EXOC4: variants seen among roughly 807,000 people sequenced by gnomAD.
EXOC4 encodes exocyst complex component 4, also known as SEC8-like 1.
EXOC4 carries 71 observed loss-of-function variants against 107.2 expected under a neutral mutation model. That is an observed-to-expected ratio of 0.66 (90% CI 0.55 to 0.81). EXOC4 has a LOEUF of 0.81. Among genes scored for constraint, EXOC4 ranks in the 30% least tolerant of loss-of-function variants. The probability of loss-of-function intolerance (pLI) is 0.00; values close to 1 mark genes in which losing one functional copy is unlikely to be tolerated. For missense variants in EXOC4, 1,108 were observed against 1,189.6 expected, an observed-to-expected ratio of 0.93 and a Z score of 1.01; for synonymous variants, 456 against 441.2, an observed-to-expected ratio of 1.03 and a Z score of -0.42.
intron 5 of EXOC4, among the ~76,000 whole-genome samples, chr7:133,354,822 C>T (rs1230623026): frequency 6.6e-6 from 1 of 152,122 alleles, no homozygotes; most frequent in African/African-American, 2.4e-5. Flanking sequence ...TAATTGAAAT[C>T]GACCACAATT....
chr7:134,021,850 CTGCATCTCATTCT>C (rs1795038562), intron 17 of EXOC4, among the ~76,000 whole-genome samples: 1 of 151,854 alleles, frequency 6.6e-6, no homozygotes, highest in Admixed American at 6.6e-5. Context: ...GGCATTAACA[CTGCATCTCATTCT>C]CCTTCAGGCA....
At chr7:133,498,594 C>T (rs1276368281) in intron 9 of EXOC4, among the ~76,000 whole-genome samples, 2 of 152,066 alleles carry the variant, frequency 1.3e-5, no homozygotes, top group Non-Finnish European at 2.9e-5. Flanking sequence ...CAAAAACAAA[C>T]AAACAAACAA....
intron 9 of EXOC4, among the ~76,000 whole-genome samples, chr7:133,542,122 A>G (rs1299504861): frequency 6.6e-6 from 1 of 151,928 alleles, no homozygotes; most frequent in Middle Eastern, 3.2e-3. Flanking sequence ...TGAAAATTCA[A>G]CTGGCAAAAG....
intron 9 of EXOC4, among the ~76,000 whole-genome samples, chr7:133,582,471 AT>A (rs1235052895): frequency 3.3e-5 from 5 of 152,240 alleles, no homozygotes; most frequent in Non-Finnish European, 7.3e-5. Context: ...CATATCCAAG[AT>A]AAAAGAGACT....
chr7:133,638,762 G>A (rs1435897342), intron 10 of EXOC4, among the ~76,000 whole-genome samples: 2 of 152,084 alleles, frequency 1.3e-5, no homozygotes, highest in African/African-American at 4.8e-5. Flanking sequence ...AGCTAATGTG[G>A]GACCAACGCT....
rs1265108979 is a variant in EXOC4, at chr7:133,997,634, G to A, written c.2348+1G>A. The A allele has an allele frequency of 6.2e-7, 1 of 1,612,658 alleles. No homozygotes were observed. Among genetic ancestry groups the A allele is most frequent in the Non-Finnish European group, 8.5e-7 (1 of 1,179,338 alleles). On this transcript the variant is annotated splice_donor_variant, in intron 15 of 17. Transcript: ENST00000253861. LOFTEE classifies it high-confidence loss of function. ...TGCTTGTCTTACATCTGGAAGTGAG[G>A]TATGATACAGCCAAGCCCAGGACCT...
rs1465270592 is a variant in EXOC4, at chr7:133,897,658, A to G, written c.1871+1923A>G. 5.3e-5 allele frequency among the ~76,000 whole-genome samples: 8 copies of G among 152,154 alleles called. 1 individual carries two copies. Among genetic ancestry groups the G allele is most frequent in the African/African-American group, 1.9e-4 (8 of 41,440 alleles). ...GCTTGTTCATATGTATTTTAAATGTATAATGGAGGGTATCAAATCCCTATG... is the reference window on the plus strand; with the variant it reads ...GCTTGTTCATATGTATTTTAAATGTGTAATGGAGGGTATCAAATCCCTATG... On this transcript the variant is annotated intron_variant, in intron 12 of 17. Transcript: ENST00000253861.
chr7:133,323,489 T>C (rs1307566310), intron 5 of EXOC4, among the ~76,000 whole-genome samples: 3 of 152,156 alleles, frequency 2.0e-5, no homozygotes, highest in Non-Finnish European at 4.4e-5. Context: ...TTGTCTTTGG[T>C]TCTGTTTATA....
intron 17 of EXOC4, among the ~76,000 whole-genome samples, chr7:134,047,568 C>T (rs1795686336): frequency 2.0e-5 from 3 of 152,088 alleles, no homozygotes; most frequent in South Asian, 2.1e-4. Context: ...ATGTAAACTC[C>T]TGCTATGTAA....
At chr7:134,085,238 G>T in the EXOC4 span, among the ~76,000 whole-genome samples, 1 of 151,836 alleles carries the variant, frequency 6.6e-6, no homozygotes, top group Admixed American at 6.6e-5. Flanking sequence ...GCAGCTCTAG[G>T]TCAGGTTGAG....
chr7:133,331,758 G>A (rs1457039722), intron 5 of EXOC4, among the ~76,000 whole-genome samples: 1 of 152,182 alleles, frequency 6.6e-6, no homozygotes, highest in Non-Finnish European at 1.5e-5. Context: ...TCACTTTACA[G>A]ATACGGAAGC....
At chr7:133,272,529 C>T (rs956218201) in intron 1 of EXOC4, among the ~76,000 whole-genome samples, 22 of 151,932 alleles carry the variant, frequency 1.4e-4, no homozygotes, top group African/African-American at 4.8e-4. Context: ...TAGTAAGCCT[C>T]TCTAAATATT....
In EXOC4 at chr7:133,480,041, T is replaced by G. The variant is rs1420507729; in HGVS notation, c.1329-9T>G. The G allele has an allele frequency of 2.5e-6, 4 of 1,612,804 alleles. No homozygotes were observed. The highest frequency in any genetic ancestry group is 3.4e-6 in the Non-Finnish European group (4 of 1,178,964). On this transcript the variant is annotated splice_polypyrimidine_tract_variant and intron_variant, in intron 8 of 17. Transcript: ENST00000253861. ...CCTGCTTGTCTGTTTCCCCTGTGTT[T>G]CTCTGCAGGTTCGAATCGTCCTCCC...
At chr7:133,314,097 G>A (rs778017010) in intron 4 of EXOC4, among the ~76,000 whole-genome samples, 9 of 151,908 alleles carry the variant, frequency 5.9e-5, no homozygotes, top group East Asian at 5.8e-4. Flanking sequence ...TTAAAAACCC[G>A]TTGAAGGTAT....
chr7:134,038,774 T>C (rs572669519), intron 17 of EXOC4, among the ~76,000 whole-genome samples: 2 of 152,296 alleles, frequency 1.3e-5, no homozygotes, highest in East Asian at 1.9e-4. Flanking sequence ...TCTGTGTCAC[T>C]TACCATTGGC....
At chr7:133,377,604 A>G (rs1281725272) in intron 7 of EXOC4, among the ~76,000 whole-genome samples, 1 of 152,204 alleles carries the variant, frequency 6.6e-6, no homozygotes, top group African/African-American at 2.4e-5. Flanking sequence ...ATTGGGGTAG[A>G]AAAATATCAG....
intron 10 of EXOC4, among the ~76,000 whole-genome samples, chr7:133,731,099 C>G (rs143083340): frequency 1.3e-5 from 2 of 152,164 alleles, no homozygotes; most frequent in African/African-American, 4.8e-5. Flanking sequence ...AGATTTCACC[C>G]TAATTTATGT....
intron 10 of EXOC4, among the ~76,000 whole-genome samples, chr7:133,755,578 G>T (rs180773962): frequency 6.6e-6 from 1 of 151,374 alleles, no homozygotes. Context: ...TCCTGACCTC[G>T]TGATCCACCC....
intron 2 of EXOC4, 138 bp downstream of exon 2, chr7:133,275,309 G>A (rs1793964154): frequency 1.6e-6 from 1 of 640,134 alleles, no homozygotes; most frequent in Non-Finnish European, 2.4e-6. Flanking sequence ...TTCTGCAGGT[G>A]TCTGGAAAGG....
Sources: allele counts gnomAD v4.1 joint callset (sites outside exome capture counted in the v4.1 genomes callset), GRCh38; gene constraint gnomAD v4.1.1; transcripts MANE v1.5; gene names NCBI Gene and HGNC (gene_info 2026-07-23, HGNC 2026-07-21).